Variants in CPNE8 observed in about 807,000 individuals in gnomAD.
The protein encoded by CPNE8 is copine 8, also known as copine-8.
Under a neutral mutation model 81.5 loss-of-function variants are expected in CPNE8, and 45 were observed. The observed-to-expected ratio is 0.55, with a 90% CI of 0.44 to 0.71. The LOEUF (loss-of-function observed/expected upper bound fraction) is 0.71. Ranked by LOEUF, CPNE8 falls within the 30% of genes least tolerant of loss-of-function variation. The pLI, the probability that CPNE8 is intolerant of heterozygous loss-of-function variation, is 0.00. For synonymous variants in CPNE8, 252 were observed against 226.3 expected (o/e 1.11, Z -1.02); for missense variants, 594 against 672.1 (o/e 0.88, Z 1.28).
chr12:38,850,612 T>C (rs1353112184), intron 3 of CPNE8, among the ~76,000 whole-genome samples: 1 of 152,218 alleles, frequency 6.6e-6, no homozygotes, highest in East Asian at 1.9e-4. Context: ...TTTGATGATA[T>C]CACCAGTGAC....
chr12:38,668,993 G>T (rs151305843), intron 19 of CPNE8, among the ~76,000 whole-genome samples: 2 of 151,812 alleles, frequency 1.3e-5, no homozygotes, highest in Non-Finnish European at 2.9e-5. Context: ...GACGGAGCTT[G>T]CAGTGAGCCG....
At chr12:38,813,114 A>T (rs2136991290) in intron 6 of CPNE8, among the ~76,000 whole-genome samples, 1 of 152,302 alleles carries the variant, frequency 6.6e-6, no homozygotes, top group African/African-American at 2.4e-5. Flanking sequence ...AAGAGTTGAG[A>T]TTATTTTTCT....
At chr12:38,740,727 C>T (rs974896059) in intron 10 of CPNE8, among the ~76,000 whole-genome samples, 2 of 152,066 alleles carry the variant, frequency 1.3e-5, no homozygotes, top group African/African-American at 4.8e-5. Flanking sequence ...GCCTTGCATC[C>T]CAGGGATGAA....
intron 15 of CPNE8, among the ~76,000 whole-genome samples, chr12:38,690,127 G>A (rs561366783): frequency 6.6e-6 from 1 of 152,222 alleles, no homozygotes; most frequent in Admixed American, 6.5e-5. Flanking sequence ...TTATGTGAAT[G>A]TGGTGAGATA....
intron 1 of CPNE8, among the ~76,000 whole-genome samples, chr12:38,890,143 T>C (rs1053630266): frequency 6.6e-6 from 1 of 152,138 alleles, no homozygotes; most frequent in Non-Finnish European, 1.5e-5. Flanking sequence ...TTTATTGACC[T>C]CATTGAAACA....
Position 38,760,868 on chromosome 12 carries a change from T to C in CPNE8, c.701A>G (p.Tyr234Cys), listed in dbSNP as rs1033139788. 4 of 1,581,778 alleles carry C rather than the reference T, an allele frequency of 2.5e-6. No individual in the cohort carries two copies. Among genetic ancestry groups the C allele is most frequent in the Non-Finnish European group, 3.4e-6 (4 of 1,169,454 alleles). ...TTACCTTCCATCTCGGTCCCAGTCA[T>C]ACACCTCTACTTTGATTGTTCTGTA... Reference protein sequence around the residue: ...DYDRTIKVEVYDWDRDGSHDF... With the variant: ...DYDRTIKVEVCDWDRDGSHDF... The change falls in exon 10 of 20, where the codon TAT becomes TGT. Residue 234 changes from tyrosine (Y) to cysteine (C), a missense_variant. Physicochemically the swap from Tyr to Cys is radical, Grantham distance 194 (BLOSUM62 -2). Coordinates refer to ENST00000331366, the MANE Select transcript of CPNE8 (RefSeq NM_153634.3).
rs1399145842 is a variant in CPNE8, at chr12:38,675,734, C to T, written c.1415G>A (p.Gly472Glu). 6.2e-7 allele frequency: 1 copy of T among 1,603,902 alleles called. No homozygotes were observed. Among genetic ancestry groups the T allele is most frequent in the Non-Finnish European group, 8.5e-7 (1 of 1,171,288 alleles). Residue 472 changes from glycine (G) to glutamate (E), a missense_variant, in exon 18 of 20, where the codon GGA becomes GAA. Physicochemically the swap from Gly to Glu is moderately conservative, Grantham distance 98. Transcript: ENST00000331366. ...LPMSIIIVGV[G>E]PAEFDAMVEL... ...CTACTCACCATCAAATTCTGCTGGT[C>T]CAACACCTACTATAATTATTGACAT...
intron 3 of CPNE8, among the ~76,000 whole-genome samples, chr12:38,852,012 C>A (rs1592137526): frequency 6.6e-6 from 1 of 152,308 alleles, no homozygotes; most frequent in South Asian, 2.1e-4. Context: ...CTTTAAGCCT[C>A]TGCTTAAATG....
At chr12:38,830,043 A>G (rs954437668) in intron 5 of CPNE8, among the ~76,000 whole-genome samples, 2 of 152,204 alleles carry the variant, frequency 1.3e-5, no homozygotes, top group Non-Finnish European at 2.9e-5. Flanking sequence ...TAGTTATTGC[A>G]TGAGTTAATA....
intron 4 of CPNE8, among the ~76,000 whole-genome samples, chr12:38,842,769 G>A (rs1220539255): frequency 1.3e-5 from 2 of 151,452 alleles, no homozygotes; most frequent in Non-Finnish European, 2.9e-5. Flanking sequence ...GTAGAGACGG[G>A]GTTTCACCAT....
chr12:38,653,958 C>G lies in CPNE8; in HGVS notation c.1619G>C (p.Arg540Thr), dbSNP rs1461929790. ...AGGTGATGGCTTGATTCCTCGGGCT[C>G]TCATATAGGAGAGAAACTGCTCAGG... ...EIPEQFLSYM[R>T]ARGIKPSPAP... The change falls in exon 20 of 20, where the codon AGA (arginine) becomes ACA (threonine). Residue 540 changes from arginine to threonine, a missense_variant. Physicochemically the swap from Arg to Thr is moderately conservative, Grantham distance 71 (BLOSUM62 -1). Transcript: ENST00000331366. 1.1e-5 allele frequency: 17 copies of G among 1,613,454 alleles called. No individual in the cohort carries two copies. The highest frequency in any genetic ancestry group is 1.4e-5 in the Non-Finnish European group (16 of 1,179,898).
At chr12:38,735,189 T>C (rs564515121) in intron 10 of CPNE8, among the ~76,000 whole-genome samples, 17 of 152,240 alleles carry the variant, frequency 1.1e-4, no homozygotes, top group Non-Finnish European at 2.2e-4. Flanking sequence ...CTTGCAATTC[T>C]GTTCAAGTCC....
intron 13 of CPNE8, among the ~76,000 whole-genome samples, chr12:38,717,427 G>GTATATATACATATATATATATA (rs1491219731): frequency 5.7e-5 from 4 of 69,728 alleles, no homozygotes; most frequent in South Asian, 7.0e-4. Context: ...AGAAAGTGTG[G>GTATATATACATATATATATATA]TGTATATATA....
chr12:38,858,305 C>T (rs1943777096), intron 3 of CPNE8, among the ~76,000 whole-genome samples: 1 of 152,158 alleles, frequency 6.6e-6, no homozygotes, highest in Admixed American at 6.5e-5. Context: ...AAAATTGGGG[C>T]TTATCCTGGG....
At chr12:38,870,533 A>G (rs544209170) in intron 3 of CPNE8, among the ~76,000 whole-genome samples, 19 of 152,328 alleles carry the variant, frequency 1.2e-4, no homozygotes, top group African/African-American at 4.3e-4. Flanking sequence ...TCAGCAAACT[A>G]ACACAGGAAC....
chr12:38,784,748 A>T (rs1011607781), intron 6 of CPNE8, among the ~76,000 whole-genome samples: 2 of 152,210 alleles, frequency 1.3e-5, no homozygotes, highest in East Asian at 1.9e-4. Flanking sequence ...AGGAAAAAAA[A>T]AACTTTTTAC....
At chr12:38,899,593 C>A (rs1426871514) in intron 1 of CPNE8, among the ~76,000 whole-genome samples, 1 of 152,126 alleles carries the variant, frequency 6.6e-6, no homozygotes, top group Non-Finnish European at 1.5e-5. Flanking sequence ...CAGTGATGTG[C>A]AAGTATATAT....
intron 10 of CPNE8, among the ~76,000 whole-genome samples, chr12:38,739,596 T>C (rs1220277627): frequency 6.6e-6 from 1 of 152,226 alleles, no homozygotes; most frequent in African/African-American, 2.4e-5. Flanking sequence ...CTTTGGGTTC[T>C]ACTGACTTTG....
At chr12:38,821,614 T>TA (rs1267933431) in intron 6 of CPNE8, among the ~76,000 whole-genome samples, 1 of 152,212 alleles carries the variant, frequency 6.6e-6, no homozygotes, top group Non-Finnish European at 1.5e-5. Flanking sequence ...GGCTATTTTG[T>TA]AAAAAACTCA....
Sources: allele counts gnomAD v4.1 joint callset (sites outside exome capture counted in the v4.1 genomes callset), GRCh38; gene constraint gnomAD v4.1.1; transcripts MANE v1.5; gene names NCBI Gene and HGNC (gene_info 2026-07-23, HGNC 2026-07-21).